Variants in EIF4G2 observed in about 807,000 individuals in gnomAD.
EIF4G2 encodes DAP-5.
EIF4G2 carries 8 observed loss-of-function variants against 117.7 expected under a neutral mutation model. The ratio of observed to expected loss-of-function variants is 0.07; its 90% CI spans 0.04 to 0.12. The LOEUF (loss-of-function observed/expected upper bound fraction) is 0.12, where lower values mean the gene tolerates loss of function less well. Among genes scored for constraint, EIF4G2 ranks in the 10% least tolerant of loss-of-function variants. The pLI, the probability that EIF4G2 is intolerant of heterozygous loss-of-function variation, is 1.00. For missense variants in EIF4G2, 812 were observed against 1,086.2 expected (o/e 0.75, Z 3.55); for synonymous variants, 413 against 367.8 (o/e 1.12, Z -1.41).
intron 1 of EIF4G2, chr11:10,808,382 G>C: frequency 1.7e-5 from 21 of 1,236,694 alleles, no homozygotes; most frequent in Non-Finnish European, 2.2e-5. Context: ...CGGCGCTAGC[G>C]GTCCGAGCCA....
Position 10,803,860 on chromosome 11 carries a change from C to T in EIF4G2, c.702+39G>A, listed in dbSNP as rs200397703. 7.9e-5 allele frequency: 126 copies of T among 1,588,494 alleles called. No individual in the cohort carries two copies. Among genetic ancestry groups the T allele is most frequent in the Admixed American group, 8.8e-5 (5 of 57,064 alleles). On this transcript the variant is annotated intron_variant, in intron 8 of 21. Transcript: ENST00000339995. The surrounding 1 kb of genome is among the most constrained non-coding windows in gnomAD (Gnocchi z 4.0). The stretch of plus-strand genomic sequence containing the variant: ...GAATAATTGACTCATTTCCTCCAAA[C>T]GACTGACTACATTCGCCTAACTTCC...
chr11:10,804,437 C>T lies in EIF4G2; in HGVS notation c.352-19G>A. Reference sequence around the variant, plus strand: ...CCACAATCTACAGAAAATGTCATTGCTTAAACTAAATATGAAAACTTCTCC... The same window carrying T: ...CCACAATCTACAGAAAATGTCATTGTTTAAACTAAATATGAAAACTTCTCC... On this transcript the variant is annotated intron_variant, in intron 5 of 21. Coordinates refer to ENST00000339995, the MANE Select transcript of EIF4G2 (RefSeq NM_001418.4). 6.4e-7 allele frequency: 1 copy of T among 1,556,538 alleles called. No homozygotes were observed. Among genetic ancestry groups the T allele is most frequent in the Non-Finnish European group, 8.7e-7 (1 of 1,153,014 alleles).
intron 11 of EIF4G2, among the ~76,000 whole-genome samples, chr11:10,802,766 C>G (rs1178248589): frequency 6.6e-6 from 1 of 152,142 alleles, no homozygotes; most frequent in South Asian, 2.1e-4. Context: ...ACTGGGGAGG[C>G]TGAAGCAGGA....
Position 10,800,883 on chromosome 11 carries a change from A to G in EIF4G2, c.1540-48T>C, listed in dbSNP as rs958667353. 3 of 1,612,230 alleles carry G rather than the reference A, an allele frequency of 1.9e-6. No homozygotes were observed. The African/African-American group carries it at 4.0e-5, about 22-fold the overall frequency. ...CTTTTTTTAAAAAGAGGACTATGAA[A>G]TTAGGGGGAAGAACACACTAAATTT... On this transcript the variant is annotated intron_variant, in intron 15 of 21. Transcript: ENST00000339995.
intron 18 of EIF4G2, 113 bp from the exon 19 acceptor site, chr11:10,799,869 G>C (rs1483988880): frequency 1.5e-6 from 2 of 1,327,120 alleles, no homozygotes; most frequent in Non-Finnish European, 2.0e-6. Flanking sequence ...CCATGTAGCA[G>C]AATAGAGAAC....
In EIF4G2 at chr11:10,804,434, T is replaced by C. The variant is rs768596412; in HGVS notation, c.352-16A>G. 3.9e-6 allele frequency: 6 copies of C among 1,557,980 alleles called. No individual in the cohort carries two copies. The highest frequency in any genetic ancestry group is 1.4e-5 in the African/African-American group (1 of 72,206). ...TGTCCACAATCTACAGAAAATGTCA[T>C]TGCTTAAACTAAATATGAAAACTTC... On this transcript the variant is annotated splice_polypyrimidine_tract_variant and intron_variant, in intron 5 of 21. Transcript: ENST00000339995.
intron 3 of EIF4G2, 61 bp downstream of exon 3, chr11:10,806,759 C>G: frequency 6.3e-7 from 1 of 1,581,258 alleles, no homozygotes; most frequent in Non-Finnish European, 8.7e-7. Flanking sequence ...TATACCGTCA[C>G]ATGGGAAAGA....
Position 10,802,889 on chromosome 11 carries a change from G to T in EIF4G2, c.996+141C>A. 3 of 693,138 alleles carry T rather than the reference G, an allele frequency of 4.3e-6. No homozygotes were observed. The South Asian group carries it at 7.4e-5, about 17-fold the overall frequency. The allele number at this position is 693,138 out of a possible 1,614,324, so 42.9% of individuals were successfully genotyped here. A position where few individuals can be genotyped will look rare whatever the true frequency, so the allele number is the denominator to read the frequency against. Reference sequence around the variant, plus strand: ...CTCAAAAAATAAAAAAATAAAAGTGGAAGACGAGACACTAAAAACATTAAG... The same window carrying T: ...CTCAAAAAATAAAAAAATAAAAGTGTAAGACGAGACACTAAAAACATTAAG... On this transcript the variant is annotated intron_variant, in intron 11 of 21. Transcript: ENST00000339995.
chr11:10,807,988 T>C (rs1847637473), intron 1 of EIF4G2: 12 of 1,038,240 alleles, frequency 1.2e-5, no homozygotes, highest in Non-Finnish European at 1.4e-5. Flanking sequence ...AGGCGCAAGT[T>C]AGGGAAGTGC....
chr11:10,805,658 G>T (rs1847546821), intron 4 of EIF4G2, among the ~76,000 whole-genome samples: 1 of 151,944 alleles, frequency 6.6e-6, no homozygotes, highest in Admixed American at 6.6e-5. Flanking sequence ...TCAACATGTT[G>T]GCCAGGCTGG....
rs1847500969 is a variant in EIF4G2, at chr11:10,804,294, T to C, written c.476A>G (p.Gln159Arg). ...ACAAAAACTACCACTTACGGTGCTT[T>C]GCTTCTGTCCTGGTTGACCCTCTGC... is the stretch of plus-strand genomic sequence containing the variant. Residue 159 changes from glutamine (Q) to arginine (R), a missense_variant, in exon 6 of 22, where the codon CAA (glutamine) becomes CGA (arginine). By Grantham distance (43) the Gln-to-Arg change is conservative. Transcript: ENST00000339995. 1 of 1,613,684 alleles carries C rather than the reference T, an allele frequency of 6.2e-7. No individual in the cohort carries two copies. The highest frequency in any genetic ancestry group is 8.5e-7 in the Non-Finnish European group (1 of 1,179,872).
chr11:10,799,271 T>C lies in EIF4G2; in HGVS notation c.2478A>G (p.Leu826=), dbSNP rs964848013. 3 of 1,614,078 alleles carry C rather than the reference T, an allele frequency of 1.9e-6. No homozygotes were observed. Among genetic ancestry groups the C allele is most frequent in the African/African-American group, 1.3e-5 (1 of 74,934 alleles). The stretch of plus-strand genomic sequence containing the variant: ...GGAGAGCATACAGGGCACTGACTTG[T>C]AGATCAACGTGATCATGAAGAAATT... The change falls in exon 20 of 22, where the codon CTA becomes CTG. Residue 826 remains leucine, a synonymous_variant. Transcript: ENST00000339995.
At chr11:10,801,192 T>A in intron 14 of EIF4G2, 105 bp from the exon 15 acceptor site, 1 of 1,486,894 alleles carries the variant, frequency 6.7e-7, no homozygotes, top group Non-Finnish European at 8.9e-7. Flanking sequence ...TAGGGAAACA[T>A]TAAGCTTTTT....
chr11:10,804,061 T>G lies in EIF4G2; in HGVS notation c.551-11A>C. The G allele has an allele frequency of 6.2e-7, 1 of 1,613,284 alleles. No individual in the cohort carries two copies. The highest frequency in any genetic ancestry group is 8.5e-7 in the Non-Finnish European group (1 of 1,179,400). ...CACGCTTATCATAGACTGAAAAAGATACCAATGAAGTAAGCCAACATTCAG... is the reference window on the plus strand; with the variant it reads ...CACGCTTATCATAGACTGAAAAAGAGACCAATGAAGTAAGCCAACATTCAG... On this transcript the variant is annotated splice_polypyrimidine_tract_variant and intron_variant, in intron 7 of 21. Transcript: ENST00000339995.
At position 10,803,355 on chromosome 11, in the gene EIF4G2, T is replaced by G; in HGVS notation, c.814-61A>C. 5.7e-6 allele frequency: 9 copies of G among 1,587,320 alleles called. No homozygotes were observed. The highest frequency in any genetic ancestry group is 7.8e-6 in the Non-Finnish European group (9 of 1,160,444). On this transcript the variant is annotated intron_variant, in intron 9 of 21. Coordinates refer to ENST00000339995, the MANE Select transcript of EIF4G2 (RefSeq NM_001418.4). This position sits in a 1 kb window ranked among gnomAD's most constrained non-coding sequence, Gnocchi z 4.0. The stretch of plus-strand genomic sequence containing the variant: ...AAGCAAATGTGTTCAATTTACAGCT[T>G]TAAGACTTCTAAAATTATAACCCAG...
At chr11:10,808,304 A>G in intron 1 of EIF4G2, 2 of 1,214,490 alleles carry the variant, frequency 1.6e-6, no homozygotes, top group Non-Finnish European at 2.1e-6. Flanking sequence ...AGGCTCCGGG[A>G]CGCCTGCGGT....
intron 18 of EIF4G2, 88 bp from the exon 19 acceptor site, chr11:10,799,844 C>G: frequency 3.5e-6 from 5 of 1,440,264 alleles, no homozygotes; most frequent in Non-Finnish European, 4.7e-6. Flanking sequence ...AATGATGTCC[C>G]CAAGTATGTA....
Position 10,797,266 on chromosome 11 carries a change from A to T in EIF4G2, c.*550T>A, listed in dbSNP as rs1325306607. The stretch of plus-strand genomic sequence containing the variant: ...TGTGCAAGTAAACCATGTTTCTTTT[A>T]AAAAGACTTGTGCACTTGCCCAGGC... On this transcript the variant is annotated 3_prime_UTR_variant, in exon 22 of 22. Coordinates refer to ENST00000339995, the MANE Select transcript of EIF4G2 (RefSeq NM_001418.4). The surrounding 1 kb of genome is among the most constrained non-coding windows in gnomAD (Gnocchi z 4.5). 6.5e-6 allele frequency: 1 copy of T among 153,106 alleles called. No individual in the cohort carries two copies. Among genetic ancestry groups the T allele is most frequent in the East Asian group, 1.9e-4 (1 of 5,206 alleles). 9.5% of individuals were successfully genotyped at this position (153,106 alleles called of 1,614,324 possible).
At chr11:10,806,786 T>C (rs61874162) in intron 3 of EIF4G2, 34 bp downstream of exon 3, 79,447 of 1,607,652 alleles carry the variant, frequency 0.049, 2,272 homozygotes, top group Middle Eastern at 0.061. Flanking sequence ...ATCTGTTAAA[T>C]AAAGCTCACT....
Sources: gnomAD v4.1 joint callset for allele counts (sites outside exome capture counted in the v4.1 genomes callset) on GRCh38, gnomAD v4.1.1 for gene constraint, Gnocchi (gnomAD v3.1) non-coding constraint, MANE v1.5 for transcripts, NCBI Gene and HGNC (gene_info 2026-07-23, HGNC 2026-07-21) for gene names.